Variants in ARHGEF40 observed in about 807,000 individuals in gnomAD.
ARHGEF40 encodes Rho guanine nucleotide exchange factor (GEF) 40.
A neutral mutation model predicts 165.9 loss-of-function variants in ARHGEF40; 98 were observed. The ratio of observed to expected loss-of-function variants is 0.59; its 90% CI spans 0.50 to 0.70. The LOEUF is 0.70. Ranked by LOEUF, ARHGEF40 falls within the 30% of genes least tolerant of loss-of-function variation. ARHGEF40 has a pLI of 0.00. For synonymous variants in ARHGEF40, 792 were observed against 814.3 expected (o/e 0.97, Z 0.47); for missense variants, 1,815 against 1,968.0 (o/e 0.92, Z 1.47).
Position 21,076,357 on chromosome 14 carries a change from C to T in ARHGEF40, c.1740-3C>T. The T allele has an allele frequency of 6.2e-7, 1 of 1,613,072 alleles. No homozygotes were observed. The highest frequency in any genetic ancestry group is 8.5e-7 in the Non-Finnish European group (1 of 1,179,950). On this transcript the variant is annotated splice_region_variant and splice_polypyrimidine_tract_variant and intron_variant, in intron 5 of 23. Coordinates refer to ENST00000298694, the MANE Select transcript of ARHGEF40 (RefSeq NM_018071.5). ...GCCTCCTTGGCTCTTCCTGCTCCCG[C>T]AGGCCTGATCTACAGACACTGGGGC...
rs777227895 is a variant in ARHGEF40 at position 21,084,070 on chromosome 14, C to T, written c.3789+20C>T. 4.4e-6 allele frequency: 7 copies of T among 1,578,558 alleles called. No individual in the cohort carries two copies. The highest frequency in any genetic ancestry group is 8.6e-7 in the Non-Finnish European group (1 of 1,161,702). The stretch of plus-strand genomic sequence containing the variant: ...TGTGAGGTGAGGCCCTAGCTCCAGT[C>T]ACTGCTGCTCAAACTGCCCAGCCCT... On this transcript the variant is annotated intron_variant, in intron 17 of 23. Coordinates refer to ENST00000298694, the MANE Select transcript of ARHGEF40 (RefSeq NM_018071.5).
chr14:21,070,841 C>T lies in ARHGEF40; in HGVS notation c.3+442C>T. ...ATGAGAACTGACCTGCATGGAACCA[C>T]CATTTTCCATCCCTGTCCCCAACCC... On this transcript the variant is annotated intron_variant, in intron 1 of 23. Coordinates refer to ENST00000298694, the MANE Select transcript of ARHGEF40 (RefSeq NM_018071.5). The surrounding 1 kb of genome is among the most constrained non-coding windows in gnomAD (Gnocchi z 4.7). 6.5e-7 allele frequency: 1 copy of T among 1,535,690 alleles called. No homozygotes were observed. Among genetic ancestry groups the T allele is most frequent in the Admixed American group, 2.0e-5 (1 of 51,014 alleles).
intron 5 of ARHGEF40, 39 bp from the exon 6 acceptor site, chr14:21,076,321 C>T (rs1354641966): frequency 1.3e-6 from 2 of 1,561,182 alleles, no homozygotes; most frequent in Non-Finnish European, 1.8e-6. Context: ...CCCCAAAACA[C>T]ACACACAGCA....
Position 21,070,996 on chromosome 14 carries a change from T to TG in ARHGEF40, c.3+597_3+598insG. On this transcript the variant is annotated intron_variant, in intron 1 of 23. Coordinates refer to ENST00000298694, the MANE Select transcript of ARHGEF40 (RefSeq NM_018071.5). The surrounding 1 kb of genome is among the most constrained non-coding windows in gnomAD (Gnocchi z 4.7). ...GCTGCCTCAGGATAGTTGGGGGTGC[T>TG]TGGGGGGGAGCTCACAGTACCAGGG... The TG allele has an allele frequency of 1.2e-6, 1 of 845,990 alleles. No homozygotes were observed. Among genetic ancestry groups the TG allele is most frequent in the African/African-American group, 1.7e-5 (1 of 59,058 alleles). 52.4% of individuals were successfully genotyped at this position (845,990 alleles called of 1,614,324 possible).
upstream of ARHGEF40, among the ~76,000 whole-genome samples, chr14:21,065,832 C>T (rs911996104): frequency 3.3e-5 from 5 of 152,220 alleles, no homozygotes; most frequent in Admixed American, 6.5e-5. Context: ...AATGCAGTGG[C>T]TCATGCCTGT....
chr14:21,075,164 C>T lies in ARHGEF40; in HGVS notation c.1434C>T (p.Gly478=), dbSNP rs1887304290. The T allele has an allele frequency of 3.1e-6, 5 of 1,602,454 alleles. No individual in the cohort carries two copies. In the African/African-American group the frequency reaches 5.4e-5, roughly 17 times the overall value. Residue 478 remains glycine, a synonymous_variant, in exon 3 of 24, where the codon GGC becomes GGT. Transcript: ENST00000298694. This position sits in a 1 kb window ranked among gnomAD's most constrained non-coding sequence, Gnocchi z 4.5. ...GAGERELEGP[G]LLCMAGHTGP... ...GAGAGAGAGAGCTGGAGGGGCCAGGCCTGCTGTGTATGGCAGGTGAGATGA... is the reference window on the plus strand; with the variant it reads ...GAGAGAGAGAGCTGGAGGGGCCAGGTCTGCTGTGTATGGCAGGTGAGATGA...
intron 21 of ARHGEF40, 146 bp from the exon 22 acceptor site, chr14:21,087,822 A>AG: frequency 9.3e-7 from 1 of 1,070,180 alleles, no homozygotes; most frequent in Middle Eastern, 2.6e-4. Flanking sequence ...GCCTCTTGGT[A>AG]GGGGGTTCCC....
rs780824649 is a variant in ARHGEF40, at chr14:21,078,223, T to C, written c.2081T>C (p.Val694Ala). ...CRLCQGVLGS[V>A]RQAIEELEGA... ...CTGTGCCAAGGTGTGCTGGGCTCGG[T>C]ACGGCAGGCCATTGAGGAGCTGGAG... The change falls in exon 9 of 24, where the codon GTA (valine) becomes GCA (alanine). Residue 694 changes from valine to alanine, a missense_variant. Physicochemically the swap from Val to Ala is moderately conservative, Grantham distance 64. Transcript: ENST00000298694. 5.6e-6 allele frequency: 9 copies of C among 1,613,920 alleles called. No individual in the cohort carries two copies. Among genetic ancestry groups the C allele is most frequent in the Non-Finnish European group, 7.6e-6 (9 of 1,180,006 alleles).
chr14:21,082,789 C>T (rs1401950606), intron 15 of ARHGEF40, 42 bp from the exon 16 acceptor site: 5 of 1,572,846 alleles, frequency 3.2e-6, no homozygotes, highest in Non-Finnish European at 4.4e-6. Flanking sequence ...TTGTCTGCAG[C>T]GGCCTCACCG....
intron 22 of ARHGEF40, 85 bp downstream of exon 22, chr14:21,088,183 G>A (rs1374409655): frequency 4.0e-6 from 6 of 1,482,788 alleles, no homozygotes; most frequent in East Asian, 2.4e-5. Flanking sequence ...AACCCCAGGG[G>A]GGTTGGGGGA....
chr14:21,090,187 A>C lies in ARHGEF40; in HGVS notation c.*1179A>C. 1.9e-6 allele frequency: 1 copy of C among 529,938 alleles called. No individual in the cohort carries two copies. 32.8% of individuals were successfully genotyped at this position (529,938 alleles called of 1,614,324 possible). On this transcript the variant is annotated 3_prime_UTR_variant, in exon 24 of 24. Transcript: ENST00000298694. The surrounding 1 kb of genome is among the most constrained non-coding windows in gnomAD (Gnocchi z 4.4). ...GGGCCCCTGATGGGGCTAGAAGGGT[A>C]CAGTGCCCCCCACCCTCACCCCTTG...
chr14:21,081,247 A>G (rs1887866528), intron 13 of ARHGEF40: 1 of 807,688 alleles, frequency 1.2e-6, no homozygotes. Context: ...ACACGAGGCA[A>G]TACATAAAAG....
chr14:21,072,080 G>A lies in ARHGEF40; in HGVS notation c.4-965G>A, dbSNP rs1329344705. 1.3e-5 allele frequency among the ~76,000 whole-genome samples: 2 copies of A among 152,166 alleles called. No homozygotes were observed. The highest frequency in any genetic ancestry group is 3.8e-4 in the East Asian group (2 of 5,196). On this transcript the variant is annotated intron_variant, in intron 1 of 23. Transcript: ENST00000298694. This position sits in a 1 kb window ranked among gnomAD's most constrained non-coding sequence, Gnocchi z 4.1. ...CAGCAAAAAAGAAAAAAAAATTCCA[G>A]TAAAAGGGACTTCAAAGACTGTCTT...
chr14:21,073,389 CTG>C lies in ARHGEF40; in HGVS notation c.201+148_201+149del. 1 of 935,402 alleles carries C rather than the reference CTG, an allele frequency of 1.1e-6. No homozygotes were observed. The highest frequency in any genetic ancestry group is 2.7e-5 in the East Asian group (1 of 37,660). The allele number at this position is 935,402 out of a possible 1,614,324, so 57.9% of individuals were successfully genotyped here. A position where few individuals can be genotyped will look rare whatever the true frequency, so the allele number is the denominator to read the frequency against. On this transcript the variant is annotated intron_variant, in intron 2 of 23. Coordinates refer to ENST00000298694, the MANE Select transcript of ARHGEF40 (RefSeq NM_018071.5). This position sits in a 1 kb window ranked among gnomAD's most constrained non-coding sequence, Gnocchi z 4.6. ...TCCAGAATCACTTAAGCTTCATTCT[CTG>C]ACCTCTCACAAACTTTGACCTTCAC... is the stretch of plus-strand genomic sequence containing the variant.
chr14:21,074,761 C>T lies in ARHGEF40; in HGVS notation c.1031C>T (p.Ala344Val), dbSNP rs772205232. The T allele has an allele frequency of 1.2e-6, 2 of 1,609,722 alleles. No homozygotes were observed. Among genetic ancestry groups the T allele is most frequent in the Admixed American group, 1.7e-5 (1 of 59,508 alleles). Reference protein sequence around the residue: ...SEPPAEAVGEASGSCPLRPGE... With the variant: ...SEPPAEAVGEVSGSCPLRPGE... Reference sequence around the variant, plus strand: ...CCCCCAGCAGAGGCTGTGGGAGAAGCCTCCGGATCTTGCCCCCTGAGGCCA... The same window carrying T: ...CCCCCAGCAGAGGCTGTGGGAGAAGTCTCCGGATCTTGCCCCCTGAGGCCA... Residue 344 changes from alanine (A) to valine (V), a missense_variant, in exon 3 of 24, where the codon GCC becomes GTC. Transcript: ENST00000298694. This position sits in a 1 kb window ranked among gnomAD's most constrained non-coding sequence, Gnocchi z 4.8.
upstream of ARHGEF40, among the ~76,000 whole-genome samples, chr14:21,066,794 G>T (rs1004959672): frequency 1.7e-4 from 26 of 152,192 alleles, no homozygotes; most frequent in African/African-American, 4.8e-4. Flanking sequence ...GAGAAGACAA[G>T]TTGTTAATTT....
At chr14:21,068,661 T>C (rs549213573), upstream of ARHGEF40, among the ~76,000 whole-genome samples, 5 of 152,172 alleles carry the variant, frequency 3.3e-5, no homozygotes, top group African/African-American at 1.2e-4. Flanking sequence ...GCCCTCGTAA[T>C]AGAGAACCTG....
Position 21,075,521 on chromosome 14 carries a change from A to G in ARHGEF40, c.1618+22A>G. 1.2e-6 allele frequency: 2 copies of G among 1,614,126 alleles called. No homozygotes were observed. The highest frequency in any genetic ancestry group is 1.7e-6 in the Non-Finnish European group (2 of 1,180,010). Reference sequence around the variant, plus strand: ...ACGGGTCAGTGGGCATCAGTGGGTGAAGGGAAACAGGACTGGGAAAGAGAA... The same window carrying G: ...ACGGGTCAGTGGGCATCAGTGGGTGGAGGGAAACAGGACTGGGAAAGAGAA... On this transcript the variant is annotated intron_variant, in intron 4 of 23. Coordinates refer to ENST00000298694, the MANE Select transcript of ARHGEF40 (RefSeq NM_018071.5). The surrounding 1 kb of genome is among the most constrained non-coding windows in gnomAD (Gnocchi z 4.5).
chr14:21,079,779 C>T (rs2139237820), intron 11 of ARHGEF40, among the ~76,000 whole-genome samples: 1 of 152,256 alleles, frequency 6.6e-6, no homozygotes, highest in Non-Finnish European at 1.5e-5. Flanking sequence ...AAGCCAATAT[C>T]CTAGAGATGG....
Sources: gnomAD v4.1 joint callset for allele counts (sites outside exome capture counted in the v4.1 genomes callset) on GRCh38, gnomAD v4.1.1 for gene constraint, Gnocchi (gnomAD v3.1) non-coding constraint, MANE v1.5 for transcripts, NCBI Gene and HGNC (gene_info 2026-07-23, HGNC 2026-07-21) for gene names.